The following VEPH1 variants were observed in gnomAD, a reference collection of about 807,000 sequenced individuals.
VEPH1 encodes the protein ventricular zone expressed PH domain containing 1.
VEPH1 carries 80 observed loss-of-function variants against 85.2 expected under a neutral mutation model. That is an observed-to-expected ratio of 0.94 (90% CI 0.78 to 1.13). VEPH1 has a LOEUF of 1.13. Ranked by LOEUF, VEPH1 falls within the 50% of genes most tolerant of loss-of-function variation. The probability of loss-of-function intolerance (pLI) is 0.00; values close to 1 mark genes in which losing one functional copy is unlikely to be tolerated. For synonymous variants in VEPH1, 297 were observed against 348.0 expected, an observed-to-expected ratio of 0.85 and a Z score of 1.63; for missense variants, 955 against 980.5, an observed-to-expected ratio of 0.97 and a Z score of 0.35.
chr3:157,312,584 C>T (rs1270314488), intron 11 of VEPH1, among the ~76,000 whole-genome samples: 1 of 152,166 alleles, frequency 6.6e-6, no homozygotes, highest in East Asian at 1.9e-4. Flanking sequence ...TGTGATTTCT[C>T]ATTTTCAGAG....
At chr3:157,500,346 A>G (rs1740004936) in intron 1 of VEPH1, among the ~76,000 whole-genome samples, 1 of 152,200 alleles carries the variant, frequency 6.6e-6, no homozygotes, top group African/African-American at 2.4e-5. Context: ...CACTTCTGGC[A>G]ATGTGTACAG....
chr3:157,355,378 A>G (rs971585192), intron 9 of VEPH1, among the ~76,000 whole-genome samples: 4 of 152,236 alleles, frequency 2.6e-5, no homozygotes, highest in Middle Eastern at 3.2e-3. Flanking sequence ...TGCTGTTGCC[A>G]GGCAAGTCTC....
rs1006183569 is a variant in VEPH1, at chr3:157,381,720, G to GA, written c.907-345dup. The GA allele has an allele frequency of 5.8e-3, 1,118 of 193,046 alleles. 9 individuals carry two copies. The highest frequency in any genetic ancestry group is 0.018 in the African/African-American group (743 of 41,858). The allele number at this position is 193,046 out of a possible 1,614,324, so 12.0% of individuals were successfully genotyped here. ...GGAGACAGAGGGAGACTCGGTCTCA[G>GA]AAAAAAAAAATTAATAAATAGAAAA... On this transcript the variant is annotated intron_variant, in intron 6 of 13. Coordinates refer to ENST00000362010, the MANE Select transcript of VEPH1 (RefSeq NM_001167912.2).
intron 2 of VEPH1, among the ~76,000 whole-genome samples, chr3:157,481,555 A>C (rs1387288274): frequency 6.6e-6 from 1 of 151,618 alleles, no homozygotes; most frequent in African/African-American, 2.4e-5. Context: ...TTACAAGTCT[A>C]TAGTAACTAA....
intron 2 of VEPH1, among the ~76,000 whole-genome samples, chr3:157,484,896 C>T (rs1738480710): frequency 6.6e-6 from 1 of 152,150 alleles, no homozygotes; most frequent in African/African-American, 2.4e-5. Flanking sequence ...ATTGAGCATA[C>T]TAGACTCTCA....
At chr3:157,299,150 T>G (rs2108445762) in intron 11 of VEPH1, among the ~76,000 whole-genome samples, 1 of 152,328 alleles carries the variant, frequency 6.6e-6, no homozygotes, top group Admixed American at 6.5e-5. Context: ...ATTACTTTAG[T>G]GAAACTTAGC....
intron 6 of VEPH1, among the ~76,000 whole-genome samples, chr3:157,384,854 G>C (rs1447609108): frequency 1.3e-5 from 2 of 152,140 alleles, no homozygotes; most frequent in African/African-American, 2.4e-5. Context: ...ATGATATTTT[G>C]CCTCTGAGGG....
At chr3:157,348,128 AG>A (rs1724445617) in intron 9 of VEPH1, among the ~76,000 whole-genome samples, 2 of 152,142 alleles carry the variant, frequency 1.3e-5, no homozygotes, top group African/African-American at 4.8e-5. Context: ...TTCCAGCCAA[AG>A]GAACAGTGTG....
intron 4 of VEPH1, chr3:157,442,631 G>GT: frequency 6.2e-7 from 1 of 1,614,236 alleles, no homozygotes; most frequent in Non-Finnish European, 8.5e-7. Context: ...CCCTGGGAAG[G>GT]TGGACCCACC....
At chr3:157,332,341 A>G (rs576420206) in intron 9 of VEPH1, among the ~76,000 whole-genome samples, 7 of 152,280 alleles carry the variant, frequency 4.6e-5, no homozygotes, top group Non-Finnish European at 8.8e-5. Flanking sequence ...CTAGTTCTAG[A>G]ACTTTTCCAT....
intron 9 of VEPH1, among the ~76,000 whole-genome samples, chr3:157,324,241 A>G (rs1721650929): frequency 6.6e-6 from 1 of 152,044 alleles, no homozygotes; most frequent in Admixed American, 6.6e-5. Flanking sequence ...TAGTTTTAGT[A>G]GAGATGGGGT....
At chr3:157,437,141 T>C in intron 4 of VEPH1, 2 of 1,537,188 alleles carry the variant, frequency 1.3e-6, no homozygotes, top group Non-Finnish European at 1.8e-6. Flanking sequence ...ACATATACTT[T>C]GTGGCCAGTG....
chr3:157,454,577 C>T (rs1735217920), intron 4 of VEPH1, among the ~76,000 whole-genome samples: 1 of 152,138 alleles, frequency 6.6e-6, no homozygotes, highest in Non-Finnish European at 1.5e-5. Context: ...GGAAAGACAG[C>T]TTTAGATAAA....
intron 6 of VEPH1, among the ~76,000 whole-genome samples, chr3:157,386,726 T>C (rs1284924163): frequency 2.0e-5 from 3 of 152,202 alleles, no homozygotes; most frequent in Admixed American, 6.5e-5. Context: ...AAACTGGCTC[T>C]TTTTTTCTTG....
At chr3:157,377,140 A>G (rs143650783) in intron 7 of VEPH1, among the ~76,000 whole-genome samples, 4 of 152,238 alleles carry the variant, frequency 2.6e-5, no homozygotes, top group African/African-American at 9.6e-5. Flanking sequence ...AATAATTACA[A>G]TCGATTAGAA....
chr3:157,496,250 TA>T (rs1180843184), intron 1 of VEPH1, among the ~76,000 whole-genome samples: 2 of 152,222 alleles, frequency 1.3e-5, no homozygotes, highest in Non-Finnish European at 2.9e-5. Flanking sequence ...AGTCCCACTA[TA>T]TTTCTCACCC....
intron 5 of VEPH1, among the ~76,000 whole-genome samples, chr3:157,424,367 A>C (rs1732594986): frequency 6.6e-6 from 1 of 152,194 alleles, no homozygotes; most frequent in African/African-American, 2.4e-5. Flanking sequence ...AAATGGACTA[A>C]TACAGTAAAT....
chr3:157,272,126 T>A (rs1157504219), intron 12 of VEPH1, among the ~76,000 whole-genome samples: 1 of 152,164 alleles, frequency 6.6e-6, no homozygotes, highest in Non-Finnish European at 1.5e-5. Context: ...CTAATAATTT[T>A]CCATGGAAAC....
At chr3:157,424,622 A>T (rs1221596004) in intron 5 of VEPH1, among the ~76,000 whole-genome samples, 2 of 152,228 alleles carry the variant, frequency 1.3e-5, no homozygotes, top group African/African-American at 4.8e-5. Flanking sequence ...GTTGCAAACT[A>T]CAGCAAAGGT....
Sources: gnomAD v4.1 joint callset for allele counts (sites outside exome capture counted in the v4.1 genomes callset) on GRCh38, gnomAD v4.1.1 for gene constraint, MANE v1.5 for transcripts, NCBI Gene and HGNC (gene_info 2026-07-23, HGNC 2026-07-21) for gene names.